The following USP32 variants were observed in gnomAD, a reference collection of about 807,000 sequenced individuals.
The protein encoded by USP32 is ubiquitin specific peptidase 32.
A neutral mutation model predicts 204.8 loss-of-function variants in USP32; 59 were observed. The observed-to-expected ratio is 0.29, with a 90% CI of 0.23 to 0.36. The LOEUF (loss-of-function observed/expected upper bound fraction) is 0.36. USP32 is among the 10% of genes least tolerant of loss of function. USP32 has a pLI of 1.00. For missense variants in USP32, 1,160 were observed against 1,946.4 expected, an observed-to-expected ratio of 0.60 and a Z score of 7.60; for synonymous variants, 517 against 678.4, an observed-to-expected ratio of 0.76 and a Z score of 3.70.
chr17:60,253,709 T>C (rs912601265), intron 10 of USP32, among the ~76,000 whole-genome samples: 1 of 152,086 alleles, frequency 6.6e-6, no homozygotes, highest in Non-Finnish European at 1.5e-5. Context: ...GAGGTTGCAA[T>C]GAGCCCAGAT....
chr17:60,348,988 T>A (rs1472650721), intron 1 of USP32, among the ~76,000 whole-genome samples: 1 of 152,016 alleles, frequency 6.6e-6, no homozygotes, highest in Admixed American at 6.6e-5. Context: ...GGAGGTAACT[T>A]TGGCTGCGGA....
chr17:60,405,173 A>G (rs1382461159), intron 1 of USP32, among the ~76,000 whole-genome samples: 1 of 152,138 alleles, frequency 6.6e-6, no homozygotes, highest in African/African-American at 2.4e-5. Context: ...AAAAATAAAA[A>G]GAACAAAAAA....
At chr17:60,267,744 C>T (rs2086630656) in intron 7 of USP32, among the ~76,000 whole-genome samples, 1 of 152,088 alleles carries the variant, frequency 6.6e-6, no homozygotes, top group Non-Finnish European at 1.5e-5. Context: ...TGATCTTGAA[C>T]TCCTGACCTT....
intron 11 of USP32, 24 bp downstream of exon 11, chr17:60,252,357 A>G (rs2086190280): frequency 1.9e-6 from 3 of 1,584,152 alleles, no homozygotes; most frequent in East Asian, 2.3e-5. Context: ...AATTTCAACT[A>G]TATAATTGAA....
At chr17:60,353,299 A>C (rs2088995650) in intron 1 of USP32, among the ~76,000 whole-genome samples, 2 of 152,110 alleles carry the variant, frequency 1.3e-5, no homozygotes. Context: ...ACCAAAAACA[A>C]AACCTTGCTG....
chr17:60,248,536 T>C (rs933274858), intron 11 of USP32, among the ~76,000 whole-genome samples: 1 of 152,240 alleles, frequency 6.6e-6, no homozygotes, highest in African/African-American at 2.4e-5. Flanking sequence ...ACTCTGTTCA[T>C]TTATTTGGTC....
intron 2 of USP32, chr17:60,316,268 C>A (rs74800142): frequency 0.02 from 3,196 of 163,748 alleles, 132 homozygotes; most frequent in African/African-American, 0.073. Context: ...AAAAAAAATT[C>A]TCTCTTCCCT....
Position 60,265,403 on chromosome 17 carries a change from T to C in USP32, c.990+9A>G. 1 of 1,579,900 alleles carries C rather than the reference T, an allele frequency of 6.3e-7. No homozygotes were observed. ...TAGAAAAAGATAAATTAGTTCTATC[T>C]AGACTCACCTTTGTGGTGTCATGTG... is the stretch of plus-strand genomic sequence containing the variant. On this transcript the variant is annotated intron_variant, in intron 9 of 33. Transcript: ENST00000300896.
chr17:60,182,881 C>T (rs958902166), intron 31 of USP32, among the ~76,000 whole-genome samples: 15 of 152,264 alleles, frequency 9.9e-5, no homozygotes, highest in Admixed American at 7.2e-4. Flanking sequence ...CAGCAGCTAC[C>T]ATTCCTGTTT....
At chr17:60,275,118 T>C (rs1044467566) in intron 5 of USP32, among the ~76,000 whole-genome samples, 2 of 152,202 alleles carry the variant, frequency 1.3e-5, no homozygotes. Context: ...ACCAGAATAA[T>C]ATCAGGCACA....
At chr17:60,375,877 G>A (rs9789003) in intron 1 of USP32, among the ~76,000 whole-genome samples, 6 of 152,060 alleles carry the variant, frequency 3.9e-5, no homozygotes, top group South Asian at 4.1e-4. Flanking sequence ...CAAAGTGCTC[G>A]GATTACAGGG....
chr17:60,420,217 C>T (rs1242291969), intron 1 of USP32, among the ~76,000 whole-genome samples: 1 of 151,848 alleles, frequency 6.6e-6, no homozygotes, highest in Non-Finnish European at 1.5e-5. Flanking sequence ...TGGTCTCAAA[C>T]TCCTGATCTC....
chr17:60,302,839 T>A (rs537460695), intron 2 of USP32, among the ~76,000 whole-genome samples: 1 of 152,168 alleles, frequency 6.6e-6, no homozygotes, highest in African/African-American at 2.4e-5. Flanking sequence ...ATAAGTATTA[T>A]AGTAATCAGA....
chr17:60,242,472 A>G (rs1462318250), intron 11 of USP32, among the ~76,000 whole-genome samples: 1 of 152,006 alleles, frequency 6.6e-6, no homozygotes, highest in African/African-American at 2.4e-5. Context: ...GTGTAGTGGC[A>G]TGGTCTCAGC....
intron 28 of USP32, among the ~76,000 whole-genome samples, chr17:60,191,729 T>C (rs2084387124): frequency 6.6e-6 from 1 of 151,660 alleles, no homozygotes. Context: ...TAGGATGGTC[T>C]CAATCTCCTG....
intron 18 of USP32, among the ~76,000 whole-genome samples, chr17:60,212,934 A>G (rs2085009792): frequency 6.6e-6 from 1 of 152,050 alleles, no homozygotes; most frequent in Admixed American, 6.6e-5. Context: ...TTGTATTTTT[A>G]GCAGAGACAG....
chr17:60,274,502 T>C (rs2086796865), intron 5 of USP32, among the ~76,000 whole-genome samples: 1 of 151,966 alleles, frequency 6.6e-6, no homozygotes, highest in Non-Finnish European at 1.5e-5. Flanking sequence ...AAACTGGTGA[T>C]GAAGAAAAAA....
intron 9 of USP32, among the ~76,000 whole-genome samples, chr17:60,255,824 T>A (rs2086288626): frequency 6.6e-6 from 1 of 152,222 alleles, no homozygotes. Context: ...ACTGCCCATT[T>A]TCTTTAAAAG....
At chr17:60,371,440 G>A (rs776298355) in intron 1 of USP32, among the ~76,000 whole-genome samples, 9 of 151,604 alleles carry the variant, frequency 5.9e-5, no homozygotes, top group Non-Finnish European at 1.0e-4. Context: ...GGTGGCACAC[G>A]CCTATATAAT....
Sources: allele counts gnomAD v4.1 joint callset (sites outside exome capture counted in the v4.1 genomes callset), GRCh38; gene constraint gnomAD v4.1.1; transcripts MANE v1.5; gene names NCBI Gene and HGNC (gene_info 2026-07-23, HGNC 2026-07-21).